Variants in PRSS23 observed in about 807,000 individuals in gnomAD.
The protein encoded by PRSS23 is serine protease 23, also known as protease, serine 23.
A neutral mutation model predicts 34.7 loss-of-function variants in PRSS23; 25 were observed. That is an observed-to-expected ratio of 0.72 (90% CI 0.53 to 1.01). The LOEUF (loss-of-function observed/expected upper bound fraction) is 1.01, where lower values mean the gene tolerates loss of function less well. Ranked by LOEUF, PRSS23 falls within the 50% of genes least tolerant of loss-of-function variation. PRSS23 has a pLI of 0.00. For synonymous variants in PRSS23, 176 were observed against 186.6 expected, an observed-to-expected ratio of 0.94 and a Z score of 0.46; for missense variants, 445 against 475.6, an observed-to-expected ratio of 0.94 and a Z score of 0.60.
intron 2 of PRSS23, among the ~76,000 whole-genome samples, chr11:86,873,941 T>C (rs1485629595): frequency 1.3e-5 from 2 of 152,196 alleles, no homozygotes; most frequent in Non-Finnish European, 2.9e-5. Context: ...GTTCCTGTGT[T>C]ATTCTGAGTC....
intron 2 of PRSS23, among the ~76,000 whole-genome samples, chr11:86,858,341 T>C (rs1379097353): frequency 6.6e-6 from 1 of 151,858 alleles, no homozygotes; most frequent in African/African-American, 2.4e-5. Context: ...TCGCAAGGGG[T>C]TTACATCACT....
chr11:86,849,456 C>T (rs892722802), intron 2 of PRSS23, among the ~76,000 whole-genome samples: 1 of 152,114 alleles, frequency 6.6e-6, no homozygotes, highest in African/African-American at 2.4e-5. Flanking sequence ...GAAGTCTGGG[C>T]CTTGGAAGGA....
intron 1 of PRSS23, chr11:86,821,233 C>T: frequency 1.8e-6 from 1 of 547,852 alleles, no homozygotes; most frequent in Non-Finnish European, 3.0e-6. Context: ...TATATTTCAT[C>T]TAATTCATCA....
At chr11:86,883,590 A>G (rs762086914) in intron 2 of PRSS23, among the ~76,000 whole-genome samples, 1 of 152,236 alleles carries the variant, frequency 6.6e-6, no homozygotes, top group Non-Finnish European at 1.5e-5. Context: ...ATGGGCAAAG[A>G]TTTCATGATG....
exon 2 of PRSS23, chr11:86,823,569 T>C (rs1367303895): frequency 1.4e-5 from 10 of 702,478 alleles, no homozygotes; most frequent in Non-Finnish European, 2.1e-5. Context: ...TCTGCTTTCA[T>C]GGAGTTCACA....
intron 2 of PRSS23, among the ~76,000 whole-genome samples, chr11:86,834,855 A>T (rs117660124): frequency 0.091 from 13,784 of 152,170 alleles, 842 homozygotes; most frequent in Non-Finnish European, 0.13. Flanking sequence ...CTGCCAGCTG[A>T]ACAGTAGTTC....
At chr11:86,878,213 T>G in intron 2 of PRSS23, among the ~76,000 whole-genome samples, 1 of 92,864 alleles carries the variant, frequency 1.1e-5, no homozygotes, top group East Asian at 3.3e-4. Flanking sequence ...TTTCTCCCTC[T>G]CCCTCCCCCT....
rs750424464 is a variant in PRSS23 at position 86,807,698 on chromosome 11, G to A, written c.55G>A (p.Gly19Arg). ...TCTCTTCTTTCTGCTCTGTGCTGTTGGGCAAGTGAGCCCTTACAGTGCCCC... is the reference window on the plus strand; with the variant it reads ...TCTCTTCTTTCTGCTCTGTGCTGTTAGGCAAGTGAGCCCTTACAGTGCCCC... The part of the protein sequence containing the change: ...FLLFFLLCAV[G>R]QVSPYSAPWK... Residue 19 changes from glycine (G) to arginine (R), a missense_variant, in exon 2 of 2, where the codon GGG (glycine) becomes AGG (arginine). Coordinates refer to ENST00000280258, the MANE Select transcript of PRSS23 (RefSeq NM_007173.6). 1 of 1,613,902 alleles carries A rather than the reference G, an allele frequency of 6.2e-7. No individual in the cohort carries two copies. The highest frequency in any genetic ancestry group is 1.3e-5 in the African/African-American group (1 of 74,870).
intron 2 of PRSS23, among the ~76,000 whole-genome samples, chr11:86,843,337 A>G (rs1050408948): frequency 1.3e-5 from 2 of 152,344 alleles, no homozygotes; most frequent in Admixed American, 6.5e-5. Flanking sequence ...AACCTAGGCA[A>G]TATCATTAAG....
intron 2 of PRSS23, among the ~76,000 whole-genome samples, chr11:86,835,884 G>A (rs1015003030): frequency 6.6e-6 from 1 of 152,168 alleles, no homozygotes; most frequent in African/African-American, 2.4e-5. Context: ...CGTACCGAAG[G>A]ACAAGAGTGT....
chr11:86,843,529 A>G (rs1036336596), intron 2 of PRSS23, among the ~76,000 whole-genome samples: 1 of 152,344 alleles, frequency 6.6e-6, no homozygotes, highest in South Asian at 2.1e-4. Context: ...CCATCTGACA[A>G]AGGGCTAATA....
At chr11:86,803,552 G>A (rs776774520) in intron 1 of PRSS23, among the ~76,000 whole-genome samples, 1 of 152,168 alleles carries the variant, frequency 6.6e-6, no homozygotes, top group African/African-American at 2.4e-5. Flanking sequence ...TAATTTTAAA[G>A]CATCACAGTT....
chr11:86,932,069 C>T (rs1323983537), intron 2 of PRSS23, among the ~76,000 whole-genome samples: 2 of 152,144 alleles, frequency 1.3e-5, no homozygotes, highest in African/African-American at 2.4e-5. Context: ...GTGATGGAGA[C>T]TTCCAAAATT....
In PRSS23 at chr11:86,842,152, C is replaced by T. The variant is rs572687766; in HGVS notation, c.206+18559C>T. 5.9e-5 allele frequency among the ~76,000 whole-genome samples: 9 copies of T among 152,288 alleles called. No homozygotes were observed. In the East Asian group the frequency reaches 1.7e-3, roughly 29 times the overall value. On this transcript the variant is annotated intron_variant, in intron 2 of 2. Transcript: ENST00000533902. ...CATACACAAATCAATAAACGTAATC[C>T]ATCACATAAAGAGAACCAAGAACAA...
intron 2 of PRSS23, among the ~76,000 whole-genome samples, chr11:86,829,409 A>G (rs1388139825): frequency 2.0e-5 from 3 of 152,068 alleles, no homozygotes; most frequent in Non-Finnish European, 4.4e-5. Context: ...ATTTTTTTCA[A>G]AGTTTTCAAC....
At chr11:86,844,542 G>A (rs1948472302) in intron 2 of PRSS23, among the ~76,000 whole-genome samples, 1 of 152,192 alleles carries the variant, frequency 6.6e-6, no homozygotes, top group South Asian at 2.1e-4. Context: ...TGAGTCTGGA[G>A]TAATGTGAAA....
Position 86,833,284 on chromosome 11 carries a change from A to G in PRSS23, c.206+9691A>G, listed in dbSNP as rs1211360577. The G allele has an allele frequency of 1.5e-5, 23 of 1,561,398 alleles. No individual in the cohort carries two copies. In the Admixed American group the frequency reaches 2.5e-4, roughly 17 times the overall value. ...GGACAGGTTGGAGAGGAAGAAGTAC[A>G]TGGGGGTGTGGAGGTGGAAGTCAGA... is the stretch of plus-strand genomic sequence containing the variant. On this transcript the variant is annotated intron_variant, in intron 2 of 2. Coordinates refer to the PRSS23 transcript ENST00000533902.
At chr11:86,932,406 C>T (rs949691204) in intron 2 of PRSS23, among the ~76,000 whole-genome samples, 2 of 152,160 alleles carry the variant, frequency 1.3e-5, no homozygotes, top group Non-Finnish European at 2.9e-5. Context: ...GGGGCCATCA[C>T]CATCAGTGAC....
chr11:86,907,289 C>T (rs1376103996), intron 2 of PRSS23, among the ~76,000 whole-genome samples: 1 of 152,154 alleles, frequency 6.6e-6, no homozygotes, highest in Non-Finnish European at 1.5e-5. Flanking sequence ...ATGCATAACA[C>T]TGAACCTGGC....
Sources: gnomAD v4.1 joint callset for allele counts (sites outside exome capture counted in the v4.1 genomes callset) on GRCh38, gnomAD v4.1.1 for gene constraint, MANE v1.5 for transcripts, NCBI Gene and HGNC (gene_info 2026-07-23, HGNC 2026-07-21) for gene names.